The following CEP63 variants were observed in gnomAD, a reference collection of about 807,000 sequenced individuals.
CEP63 encodes the protein centrosomal protein of 63 kDa.
CEP63 carries 84 observed loss-of-function variants against 89.1 expected under a neutral mutation model. That is an observed-to-expected ratio of 0.94 (90% CI 0.79 to 1.13). The LOEUF is 1.13. Among genes scored for constraint, CEP63 ranks in the 50% most tolerant of loss-of-function variants. The pLI is 0.00. For synonymous variants in CEP63, 267 were observed against 272.5 expected, an observed-to-expected ratio of 0.98 and a Z score of 0.20; for missense variants, 838 against 813.3, an observed-to-expected ratio of 1.03 and a Z score of -0.37.
chr3:134,647,889 T>TA, the CEP63 span, among the ~76,000 whole-genome samples: 2 of 151,920 alleles, frequency 1.3e-5, no homozygotes, highest in Non-Finnish European at 2.9e-5. Context: ...TGATATAGAG[T>TA]GGGGGGAGTG....
At chr3:134,693,285 A>G in the CEP63 span, among the ~76,000 whole-genome samples, 1 of 152,282 alleles carries the variant, frequency 6.6e-6, no homozygotes, top group South Asian at 2.1e-4. Flanking sequence ...GAACTCACCT[A>G]TGATGGATGG....
the CEP63 span, among the ~76,000 whole-genome samples, chr3:134,697,472 G>T: frequency 6.6e-6 from 1 of 152,280 alleles, no homozygotes; most frequent in South Asian, 2.1e-4. Context: ...CTGTGTACAG[G>T]TCCTACAACA....
chr3:134,501,019 G>T (rs1941832198), intron 2 of CEP63, among the ~76,000 whole-genome samples: 1 of 152,144 alleles, frequency 6.6e-6, no homozygotes, highest in South Asian at 2.1e-4. Flanking sequence ...TTTGCATATG[G>T]TGAGGAAGTG....
Position 134,564,527 on chromosome 3 carries a change from A to G in CEP63, c.*2992A>G. The G allele has an allele frequency of 3.0e-6, 3 of 985,446 alleles. No homozygotes were observed. Among genetic ancestry groups the G allele is most frequent in the Non-Finnish European group, 3.6e-6 (3 of 829,924 alleles). 61.0% of individuals were successfully genotyped at this position (985,446 alleles called of 1,614,324 possible). On this transcript the variant is annotated 3_prime_UTR_variant, in exon 15 of 15. Transcript: ENST00000675561. ...GGGGCTAAGTCCTGCCTACATCCTC[A>G]GTCAGCATGCTGCCTAACACATAAC...
chr3:134,626,184 C>T, the CEP63 span, among the ~76,000 whole-genome samples: 4 of 152,192 alleles, frequency 2.6e-5, no homozygotes, highest in Admixed American at 2.0e-4. Flanking sequence ...AGGAACTGAG[C>T]CCCTGATCCA....
At chr3:134,530,021 C>G (rs1949542792) in intron 3 of CEP63, among the ~76,000 whole-genome samples, 1 of 151,768 alleles carries the variant, frequency 6.6e-6, no homozygotes, top group South Asian at 2.1e-4. Flanking sequence ...CTACAGGCAC[C>G]CGCCACCACA....
the CEP63 span, among the ~76,000 whole-genome samples, chr3:134,749,915 G>A: frequency 6.6e-6 from 1 of 152,002 alleles, no homozygotes. Flanking sequence ...TGCCTGAGTC[G>A]CTAATGGGTG....
At chr3:134,635,166 G>A in the CEP63 span, among the ~76,000 whole-genome samples, 3 of 152,200 alleles carry the variant, frequency 2.0e-5, no homozygotes, top group African/African-American at 4.8e-5. Context: ...CCTTCAATGA[G>A]TGAATGGATA....
chr3:134,773,037 C>T, the CEP63 span, among the ~76,000 whole-genome samples: 4 of 152,180 alleles, frequency 2.6e-5, no homozygotes, highest in Admixed American at 2.6e-4. Context: ...CTGTCACAGG[C>T]CCCCTGATCT....
chr3:134,531,717 A>T, intron 3 of CEP63, 128 bp from the exon 4 acceptor site: 1 of 704,932 alleles, frequency 1.4e-6, no homozygotes. Context: ...GAAGTGGGGT[A>T]TCACCATATA....
At chr3:134,698,769 T>A in the CEP63 span, among the ~76,000 whole-genome samples, 11 of 152,214 alleles carry the variant, frequency 7.2e-5, no homozygotes, top group African/African-American at 2.2e-4. Flanking sequence ...ATGTCTCCCA[T>A]GAAAAGACTT....
At chr3:134,668,487 C>T in the CEP63 span, among the ~76,000 whole-genome samples, 1 of 152,138 alleles carries the variant, frequency 6.6e-6, no homozygotes, top group African/African-American at 2.4e-5. Context: ...GCCAGCAGCC[C>T]TTAGCCCCCA....
chr3:134,774,910 A>G, the CEP63 span, among the ~76,000 whole-genome samples: 3 of 152,078 alleles, frequency 2.0e-5, no homozygotes, highest in African/African-American at 7.2e-5. Flanking sequence ...TTCCCTGTCC[A>G]CCTTGGGCAG....
At chr3:134,653,906 C>A in the CEP63 span, among the ~76,000 whole-genome samples, 1 of 152,296 alleles carries the variant, frequency 6.6e-6, no homozygotes, top group African/African-American at 2.4e-5. Flanking sequence ...CTGCTACCAT[C>A]TTGAATAAAA....
the CEP63 span, among the ~76,000 whole-genome samples, chr3:134,660,006 G>A: frequency 6.6e-6 from 1 of 152,260 alleles, no homozygotes; most frequent in South Asian, 2.1e-4. Context: ...GACAGGAACA[G>A]CTAATAAGCC....
intron 2 of CEP63, among the ~76,000 whole-genome samples, chr3:134,505,920 A>G (rs951643997): frequency 1.1e-4 from 16 of 152,322 alleles, no homozygotes; most frequent in African/African-American, 3.6e-4. Flanking sequence ...CTTTGGGTAC[A>G]GAAGCAAAAG....
intron 5 of CEP63, chr3:134,536,917 A>G (rs890014790): frequency 1.4e-5 from 7 of 492,122 alleles, no homozygotes; most frequent in South Asian, 1.0e-4. Flanking sequence ...TCTGCGTGTC[A>G]TACTCCTCAC....
chr3:134,546,823 T>G (rs557507296), intron 8 of CEP63, among the ~76,000 whole-genome samples: 27 of 152,304 alleles, frequency 1.8e-4, no homozygotes, highest in African/African-American at 6.5e-4. Context: ...CTCTCATGTT[T>G]AGAAAGTTAG....
downstream of CEP63, among the ~76,000 whole-genome samples, chr3:134,591,949 G>A (rs13322305): frequency 0.64 from 98,018 of 152,046 alleles, 32,150 homozygotes; most frequent in East Asian, 0.81. Context: ...AGCTATCTAC[G>A]GCTGTGTAAC....
Sources: allele counts gnomAD v4.1 joint callset (sites outside exome capture counted in the v4.1 genomes callset), GRCh38; gene constraint gnomAD v4.1.1; transcripts MANE v1.5; gene names NCBI Gene and HGNC (gene_info 2026-07-23, HGNC 2026-07-21).